The following ATXN1 variants were observed in gnomAD, a reference collection of about 807,000 sequenced individuals.
ATXN1 encodes ataxin-1.
ATXN1 carries 8 observed loss-of-function variants against 56.4 expected under a neutral mutation model. The ratio of observed to expected loss-of-function variants is 0.14; its 90% CI spans 0.08 to 0.26. ATXN1 has a LOEUF of 0.26. ATXN1 is among the 10% of genes least tolerant of loss of function. The probability of loss-of-function intolerance (pLI) is 1.00; values close to 1 mark genes in which losing one functional copy is unlikely to be tolerated. For missense variants in ATXN1, 987 were observed against 1,106.5 expected (o/e 0.89, Z 1.53); for synonymous variants, 514 against 494.6 (o/e 1.04, Z -0.52).
Position 16,308,368 on chromosome 6 carries a change from A to G in ATXN1, c.1918-1509T>C, listed in dbSNP as rs142981911. Among the ~76,000 whole-genome samples the G allele has an allele frequency of 1.1e-3, 154 of 139,710 alleles. 4 individuals are homozygous for G. The East Asian group carries it at 0.028, about 26-fold the overall frequency. The allele number at this position is 139,710 out of a possible 152,430, so 91.7% of individuals were successfully genotyped here. Reference sequence around the variant, plus strand: ...CACACACACACACACACACACACACACTTCCTGGGTTGGATCAGGAAAAGA... The same window carrying G: ...CACACACACACACACACACACACACGCTTCCTGGGTTGGATCAGGAAAAGA... On this transcript the variant is annotated intron_variant, in intron 7 of 7. Transcript: ENST00000436367.
intron 6 of ATXN1, among the ~76,000 whole-genome samples, chr6:16,424,128 A>T (rs1759093182): frequency 2.6e-5 from 4 of 152,182 alleles, no homozygotes; most frequent in Admixed American, 2.6e-4. Context: ...GGCCTAAGTG[A>T]TCTGTCTAAG....
At chr6:16,635,704 T>C (rs1763583826) in intron 3 of ATXN1, among the ~76,000 whole-genome samples, 1 of 152,174 alleles carries the variant, frequency 6.6e-6, no homozygotes, top group East Asian at 1.9e-4. Context: ...AATAAATATG[T>C]CTGAATCTGC....
chr6:16,359,483 G>C (rs899941493), intron 6 of ATXN1, among the ~76,000 whole-genome samples: 2 of 152,052 alleles, frequency 1.3e-5, no homozygotes, highest in Non-Finnish European at 2.9e-5. Context: ...AGCTGGAGAC[G>C]ATGGGACAAC....
intron 4 of ATXN1, among the ~76,000 whole-genome samples, chr6:16,533,338 G>T (rs973053677): frequency 4.6e-5 from 7 of 152,156 alleles, no homozygotes; most frequent in Non-Finnish European, 1.0e-4. Context: ...AACTTGAGAG[G>T]GTTGGTTTAT....
At chr6:16,509,681 A>C (rs1761046405) in intron 5 of ATXN1, among the ~76,000 whole-genome samples, 1 of 152,148 alleles carries the variant, frequency 6.6e-6, no homozygotes, top group African/African-American at 2.4e-5. Flanking sequence ...ACTCCCGTCT[A>C]TCCTACATAT....
intron 1 of ATXN1, among the ~76,000 whole-genome samples, chr6:16,759,215 C>T (rs1182580572): frequency 6.6e-6 from 1 of 152,222 alleles, no homozygotes; most frequent in African/African-American, 2.4e-5. Context: ...CATTATAAAA[C>T]ACAAATGTCA....
rs574897458 is a variant in ATXN1 at position 16,760,426 on chromosome 6, C to A, written c.-730+872G>T. ...GCTCCCGGCTCCGGGCGGCGGCTGC[C>A]GCTGCACATGATCAGGAAGCGGCCG... On this transcript the variant is annotated intron_variant, in intron 1 of 7. Transcript: ENST00000436367. The surrounding 1 kb of genome is among the most constrained non-coding windows in gnomAD (Gnocchi z 5.3). Among the ~76,000 whole-genome samples the A allele has an allele frequency of 1.3e-5, 2 of 151,402 alleles. No individual in the cohort carries two copies. The highest frequency in any genetic ancestry group is 2.4e-5 in the African/African-American group (1 of 41,316).
At chr6:16,516,775 T>C (rs1160485344) in intron 5 of ATXN1, among the ~76,000 whole-genome samples, 7 of 152,250 alleles carry the variant, frequency 4.6e-5, no homozygotes, top group Non-Finnish European at 2.9e-5. Context: ...TTATATTTAC[T>C]GCCCTCAGTA....
At chr6:16,550,315 T>C (rs1471311444) in intron 4 of ATXN1, among the ~76,000 whole-genome samples, 2 of 152,164 alleles carry the variant, frequency 1.3e-5, no homozygotes, top group East Asian at 1.9e-4. Context: ...CATGTCAACA[T>C]GGCCTCTTCC....
chr6:16,546,151 G>GT (rs1581835705), intron 4 of ATXN1, among the ~76,000 whole-genome samples: 2 of 152,138 alleles, frequency 1.3e-5, no homozygotes, highest in African/African-American at 4.8e-5. Context: ...GAAGCAGAAG[G>GT]TTTTTTCATG....
intron 6 of ATXN1, among the ~76,000 whole-genome samples, chr6:16,465,250 G>A (rs3793095): frequency 0.048 from 7,231 of 152,044 alleles, 506 homozygotes; most frequent in East Asian, 0.37. Flanking sequence ...ATCACCAAAG[G>A]GCAGGAGACC....
chr6:16,685,020 AACAC>A (rs3072311), intron 2 of ATXN1, among the ~76,000 whole-genome samples: 3 of 150,928 alleles, frequency 2.0e-5, no homozygotes, highest in East Asian at 1.9e-4. Context: ...TTCTACAGAC[AACAC>A]ACACACACAC....
At chr6:16,728,479 A>T (rs1759897869) in intron 2 of ATXN1, among the ~76,000 whole-genome samples, 1 of 152,190 alleles carries the variant, frequency 6.6e-6, no homozygotes, top group Non-Finnish European at 1.5e-5. Context: ...GACAGAAACC[A>T]GGTTCTGCCC....
chr6:16,342,714 T>C (rs560697920), intron 6 of ATXN1, among the ~76,000 whole-genome samples: 1 of 152,374 alleles, frequency 6.6e-6, no homozygotes, highest in Non-Finnish European at 1.5e-5. Flanking sequence ...TGACATTCTG[T>C]TACATGCTAT....
At chr6:16,712,059 G>A (rs1423437643) in intron 2 of ATXN1, among the ~76,000 whole-genome samples, 1 of 152,130 alleles carries the variant, frequency 6.6e-6, no homozygotes, top group Non-Finnish European at 1.5e-5. Flanking sequence ...ATGACGGGGA[G>A]GTGGAAAGTT....
chr6:16,651,897 C>G (rs540407393), intron 3 of ATXN1: 2 of 152,220 alleles, frequency 1.3e-5, no homozygotes, highest in African/African-American at 4.8e-5. Context: ...ACAATGTGCA[C>G]GTGTGCCAGT....
intron 3 of ATXN1, among the ~76,000 whole-genome samples, chr6:16,609,952 T>G (rs1021282288): frequency 3.3e-5 from 5 of 152,284 alleles, no homozygotes; most frequent in African/African-American, 1.2e-4. Flanking sequence ...TTAGGATTTT[T>G]TTTCAATGAC....
At chr6:16,523,790 G>A (rs1761340432) in intron 4 of ATXN1, among the ~76,000 whole-genome samples, 2 of 152,210 alleles carry the variant, frequency 1.3e-5, no homozygotes, top group Admixed American at 6.5e-5. Flanking sequence ...CAAACAAAGT[G>A]TGGGAAAGAA....
At chr6:16,442,819 C>T (rs1208382797) in intron 6 of ATXN1, among the ~76,000 whole-genome samples, 2 of 152,016 alleles carry the variant, frequency 1.3e-5, no homozygotes, top group African/African-American at 4.8e-5. Flanking sequence ...TGAGACTAGC[C>T]TGGCCAACAT....
Sources: allele counts gnomAD v4.1 joint callset (sites outside exome capture counted in the v4.1 genomes callset), GRCh38; gene constraint gnomAD v4.1.1; non-coding constraint Gnocchi (gnomAD v3.1); transcripts MANE v1.5; gene names NCBI Gene and HGNC (gene_info 2026-07-23, HGNC 2026-07-21).